BFSP1: variants seen among roughly 807,000 people sequenced by gnomAD.
BFSP1 encodes filensin.
A neutral mutation model predicts 43.9 loss-of-function variants in BFSP1; 38 were observed. The ratio of observed to expected loss-of-function variants is 0.87; its 90% CI spans 0.67 to 1.14. The LOEUF is 1.14. Among genes scored for constraint, BFSP1 ranks in the 50% most tolerant of loss-of-function variants. The pLI, the probability that BFSP1 is intolerant of heterozygous loss-of-function variation, is 0.00. For synonymous variants in BFSP1, 352 were observed against 354.8 expected (o/e 0.99, Z 0.09); for missense variants, 850 against 875.1 (o/e 0.97, Z 0.36).
rs781251719 is a variant in BFSP1, at chr20:17,494,340, G to A, written c.1732C>T (p.Pro578Ser). The change falls in exon 8 of 8, where the codon CCC (proline) becomes TCC (serine). Residue 578 changes from proline (P) to serine (S), a missense_variant. Pro to Ser is a moderately conservative substitution (Grantham distance 74, BLOSUM62 -1). Coordinates refer to ENST00000377873, the MANE Select transcript of BFSP1 (RefSeq NM_001195.5). ...ESRRPCAMVT[P>S]GAEEPSIPEP... ...GGTATAGATGGTTCCTCTGCACCGG[G>A]TGTGACCATGGCACAGGGTCTCCTG... 2 of 1,614,102 alleles carry A rather than the reference G, an allele frequency of 1.2e-6. No individual in the cohort carries two copies. The highest frequency in any genetic ancestry group is 8.5e-7 in the Non-Finnish European group (1 of 1,179,974).
chr20:17,553,864 TATATATAC>T (rs1568718211), intron 1 of BFSP1, among the ~76,000 whole-genome samples: 6 of 127,870 alleles, frequency 4.7e-5, no homozygotes, highest in African/African-American at 9.8e-5. Flanking sequence ...TATATACACA[TATATATAC>T]ATATATATAT....
intron 1 of BFSP1, among the ~76,000 whole-genome samples, chr20:17,537,271 G>A (rs77953360): frequency 0.011 from 1,725 of 152,236 alleles, 22 homozygotes; most frequent in African/African-American, 0.038. Context: ...CAGACCCCTG[G>A]CTCCCGGATC....
upstream of BFSP1, among the ~76,000 whole-genome samples, chr20:17,534,824 G>A (rs2034601009): frequency 6.6e-6 from 1 of 151,858 alleles, no homozygotes; most frequent in African/African-American, 2.4e-5. Context: ...TTCGAGACCA[G>A]CCTGGCCAAC....
At chr20:17,563,688 G>A (rs1187199513), upstream of BFSP1, among the ~76,000 whole-genome samples, 1 of 151,890 alleles carries the variant, frequency 6.6e-6, no homozygotes, top group Non-Finnish European at 1.5e-5. Context: ...GGATGCTTAT[G>A]CTGGGCAACA....
intron 2 of BFSP1, among the ~76,000 whole-genome samples, chr20:17,518,695 C>A (rs1414447882): frequency 6.6e-6 from 1 of 152,186 alleles, no homozygotes; most frequent in Admixed American, 6.5e-5. Context: ...TTCAGAAAAA[C>A]CCTGGTTCAT....
chr20:17,546,301 T>A (rs1168770250), intron 1 of BFSP1, among the ~76,000 whole-genome samples: 1 of 152,168 alleles, frequency 6.6e-6, no homozygotes, highest in Admixed American at 6.5e-5. Flanking sequence ...TCAAATCTGA[T>A]GAGAATTCAC....
intron 2 of BFSP1, among the ~76,000 whole-genome samples, chr20:17,519,558 C>G (rs2034275951): frequency 6.6e-6 from 1 of 152,236 alleles, no homozygotes; most frequent in African/African-American, 2.4e-5. Flanking sequence ...ATGGGCTTCT[C>G]TCTCCTAGCC....
intron 5 of BFSP1, among the ~76,000 whole-genome samples, chr20:17,502,793 C>A (rs2033834884): frequency 6.6e-6 from 1 of 152,162 alleles, no homozygotes; most frequent in Non-Finnish European, 1.5e-5. Flanking sequence ...ATAGCAAATA[C>A]AAGTCAGACA....
intron 1 of BFSP1, among the ~76,000 whole-genome samples, chr20:17,545,230 G>A (rs1371526982): frequency 6.6e-6 from 1 of 152,186 alleles, no homozygotes; most frequent in Non-Finnish European, 1.5e-5. Context: ...CAAAGCATGA[G>A]CATTGACACT....
chr20:17,563,351 A>ACCCTCCCT (rs1167793501), upstream of BFSP1, among the ~76,000 whole-genome samples: 7 of 51,700 alleles, frequency 1.4e-4, no homozygotes, highest in Non-Finnish European at 2.0e-4. Flanking sequence ...TCTGGAACCC[A>ACCCTCCCT]CCCTCCCTCC....
chr20:17,519,562 C>T (rs1025213594), intron 2 of BFSP1, among the ~76,000 whole-genome samples: 1 of 152,230 alleles, frequency 6.6e-6, no homozygotes, highest in African/African-American at 2.4e-5. Context: ...GCTTCTCTCT[C>T]CTAGCCAAGA....
At chr20:17,500,879 C>A (rs754671779) in intron 5 of BFSP1, among the ~76,000 whole-genome samples, 1 of 152,132 alleles carries the variant, frequency 6.6e-6, no homozygotes, top group South Asian at 2.1e-4. Context: ...GAATTTGACA[C>A]GCATGGTCCT....
At chr20:17,516,567 C>T (rs2034205772) in intron 2 of BFSP1, among the ~76,000 whole-genome samples, 1 of 152,120 alleles carries the variant, frequency 6.6e-6, no homozygotes, top group South Asian at 2.1e-4. Flanking sequence ...TTGTATGGAC[C>T]TTGGGGGCCT....
chr20:17,549,195 C>T (rs1357380235), intron 1 of BFSP1, among the ~76,000 whole-genome samples: 5 of 152,182 alleles, frequency 3.3e-5, no homozygotes, highest in Admixed American at 3.3e-4. Context: ...TCCTTCTCAG[C>T]CTCTAGAACG....
chr20:17,523,180 T>G (rs993280250), intron 2 of BFSP1, among the ~76,000 whole-genome samples: 2 of 152,224 alleles, frequency 1.3e-5, no homozygotes, highest in Admixed American at 6.5e-5. Context: ...AGAATATGGA[T>G]TGCTTTTGTA....
chr20:17,539,964 A>G (rs193271295), intron 1 of BFSP1, among the ~76,000 whole-genome samples: 1 of 152,262 alleles, frequency 6.6e-6, no homozygotes, highest in East Asian at 1.9e-4. Context: ...TATTTTATGA[A>G]CTATTTTCAT....
intron 1 of BFSP1, among the ~76,000 whole-genome samples, chr20:17,563,992 C>T (rs1015446690): frequency 1.3e-5 from 2 of 151,588 alleles, no homozygotes; most frequent in Admixed American, 1.3e-4. Context: ...TCATCCTGGA[C>T]TGTGAGGTAA....
At chr20:17,545,166 A>T (rs1407859908) in intron 1 of BFSP1, among the ~76,000 whole-genome samples, 1 of 152,220 alleles carries the variant, frequency 6.6e-6, no homozygotes, top group Admixed American at 6.5e-5. Flanking sequence ...AGAGAAAAAG[A>T]GAATTGCCTG....
At chr20:17,504,219 C>T (rs756337026) in intron 5 of BFSP1, among the ~76,000 whole-genome samples, 2 of 152,168 alleles carry the variant, frequency 1.3e-5, no homozygotes, top group Admixed American at 6.5e-5. Context: ...CCGTACTGGT[C>T]GCAGATGCTC....
Sources: allele counts gnomAD v4.1 joint callset (sites outside exome capture counted in the v4.1 genomes callset), GRCh38; gene constraint gnomAD v4.1.1; transcripts MANE v1.5; gene names NCBI Gene and HGNC (gene_info 2026-07-23, HGNC 2026-07-21).